The following TENM3 variants were observed in gnomAD, a reference collection of about 807,000 sequenced individuals.
TENM3 encodes teneurin-3.
TENM3 carries 63 observed loss-of-function variants against 255.1 expected under a neutral mutation model. That is an observed-to-expected ratio of 0.25 (90% CI 0.20 to 0.30). The LOEUF (loss-of-function observed/expected upper bound fraction) is 0.30, where lower values mean the gene tolerates loss of function less well. Ranked by LOEUF, TENM3 falls within the 10% of genes least tolerant of loss-of-function variation. TENM3 has a pLI of 1.00. For synonymous variants in TENM3, 1,306 were observed against 1,322.3 expected (o/e 0.99, Z 0.27); for missense variants, 2,929 against 3,461.1 (o/e 0.85, Z 3.86).
chr4:182,038,060 C>T, the TENM3 span, among the ~76,000 whole-genome samples: 1 of 152,088 alleles, frequency 6.6e-6, no homozygotes. Context: ...CTTTTTTCTA[C>T]TTCGCGTGAT....
Position 182,793,664 on chromosome 4 carries a change from A to G in TENM3, c.6992A>G (p.Asp2331Gly). 1 of 1,613,990 alleles carries G rather than the reference A, an allele frequency of 6.2e-7. No individual in the cohort carries two copies. Among genetic ancestry groups the G allele is most frequent in the Non-Finnish European group, 8.5e-7 (1 of 1,179,844 alleles). ...YGEIYFDSNI[D>G]FQLVIGFHGG... The stretch of plus-strand genomic sequence containing the variant: ...GAAATCTATTTTGACTCTAATATTG[A>G]CTTTCAACTGGTAATTGGATTTCAT... The change falls in exon 26 of 28, where the codon GAC becomes GGC. Residue 2331 changes from aspartate (D) to glycine (G), a missense_variant. Physicochemically the swap from Asp to Gly is moderately conservative, Grantham distance 94. Transcript: ENST00000511685. The surrounding 1 kb of genome is among the most constrained non-coding windows in gnomAD (Gnocchi z 5.7).
chr4:182,220,159 C>T (rs558741131), intron 1 of TENM3, among the ~76,000 whole-genome samples: 2 of 152,084 alleles, frequency 1.3e-5, no homozygotes, highest in South Asian at 2.1e-4. Flanking sequence ...GGCGGATCAC[C>T]TGAGGTCAGG....
At chr4:182,707,474 A>G (rs939071564) in intron 12 of TENM3, among the ~76,000 whole-genome samples, 3 of 152,190 alleles carry the variant, frequency 2.0e-5, no homozygotes, top group African/African-American at 7.2e-5. Flanking sequence ...TCCTCCACCT[A>G]TCTTTCCCAA....
At chr4:181,622,212 A>G in the TENM3 span, among the ~76,000 whole-genome samples, 327 of 152,268 alleles carry the variant, frequency 2.1e-3, 4 homozygotes, top group African/African-American at 7.5e-3. Context: ...GTGGTCAGCT[A>G]GGTCATGCAT....
At chr4:182,156,919 T>C (rs1276719556) in intron 1 of TENM3, among the ~76,000 whole-genome samples, 1 of 152,188 alleles carries the variant, frequency 6.6e-6, no homozygotes, top group Non-Finnish European at 1.5e-5. Context: ...TTTTCGTTTC[T>C]AGTTGAGGCA....
the TENM3 span, among the ~76,000 whole-genome samples, chr4:181,447,986 G>T: frequency 6.6e-6 from 1 of 151,828 alleles, no homozygotes; most frequent in Non-Finnish European, 1.5e-5. Flanking sequence ...CTTTGTGCGT[G>T]TAAGTGTGCA....
At chr4:182,475,817 A>G (rs1040841257) in intron 3 of TENM3, among the ~76,000 whole-genome samples, 2 of 151,996 alleles carry the variant, frequency 1.3e-5, no homozygotes, top group African/African-American at 4.8e-5. Context: ...AGATGTGTCC[A>G]TCTTCGTCTT....
At chr4:182,538,134 G>A (rs1043775806) in intron 3 of TENM3, among the ~76,000 whole-genome samples, 3 of 152,002 alleles carry the variant, frequency 2.0e-5, no homozygotes, top group African/African-American at 7.3e-5. Flanking sequence ...TCACGTTTTG[G>A]GCAAGTATTC....
At chr4:182,580,126 T>A (rs935374641) in intron 3 of TENM3, among the ~76,000 whole-genome samples, 5 of 151,874 alleles carry the variant, frequency 3.3e-5, no homozygotes, top group African/African-American at 9.7e-5. Context: ...AAAAAGAGAT[T>A]GAGATTCACT....
the TENM3 span, among the ~76,000 whole-genome samples, chr4:181,607,426 T>TG: frequency 6.6e-6 from 1 of 151,446 alleles, no homozygotes; most frequent in African/African-American, 2.4e-5. Context: ...TTTTTTTTTT[T>TG]TCTTTTTGAG....
At chr4:182,201,172 A>T (rs757649765) in intron 1 of TENM3, among the ~76,000 whole-genome samples, 29 of 152,236 alleles carry the variant, frequency 1.9e-4, no homozygotes, top group African/African-American at 6.3e-4. Context: ...ACTTTAAATA[A>T]CCAGATAGTA....
intron 3 of TENM3, among the ~76,000 whole-genome samples, chr4:182,529,458 CT>C (rs1560879359): frequency 6.6e-6 from 1 of 152,148 alleles, no homozygotes; most frequent in African/African-American, 2.4e-5. Context: ...CCTTTTCTCT[CT>C]GCTTTGCCCC....
intron 12 of TENM3, among the ~76,000 whole-genome samples, chr4:182,692,693 G>GCATATT (rs1240213887): frequency 6.6e-6 from 1 of 152,166 alleles, no homozygotes; most frequent in Non-Finnish European, 1.5e-5. Context: ...GAGTCAGAAA[G>GCATATT]CATATTTAAA....
intron 1 of TENM3, among the ~76,000 whole-genome samples, chr4:182,271,431 C>A (rs548400565): frequency 5.9e-5 from 9 of 152,256 alleles, no homozygotes; most frequent in African/African-American, 2.2e-4. Flanking sequence ...CCTTCCCGTC[C>A]TTCCACCATG....
At chr4:181,987,850 G>A in the TENM3 span, among the ~76,000 whole-genome samples, 1 of 151,984 alleles carries the variant, frequency 6.6e-6, no homozygotes, top group African/African-American at 2.4e-5. Flanking sequence ...GCAGAAGGAG[G>A]ACATTGAGCT....
the TENM3 span, among the ~76,000 whole-genome samples, chr4:181,748,051 G>C: frequency 6.6e-6 from 1 of 152,068 alleles, no homozygotes; most frequent in Admixed American, 6.6e-5. Flanking sequence ...TAGAGGACAG[G>C]AGTAAGTGCT....
chr4:182,760,553 T>G (rs927045169), intron 22 of TENM3, among the ~76,000 whole-genome samples: 2 of 148,040 alleles, frequency 1.4e-5, no homozygotes, highest in African/African-American at 4.9e-5. Flanking sequence ...CGACATTTTT[T>G]TAAATCTTGG....
intron 3 of TENM3, among the ~76,000 whole-genome samples, chr4:182,483,655 G>A (rs759320873): frequency 3.9e-5 from 6 of 152,016 alleles, no homozygotes; most frequent in Non-Finnish European, 8.8e-5. Context: ...GTATTAGTCT[G>A]TTCTCACATT....
chr4:182,228,171 A>C (rs1756307980), intron 1 of TENM3, among the ~76,000 whole-genome samples: 1 of 151,846 alleles, frequency 6.6e-6, no homozygotes, highest in South Asian at 2.1e-4. Flanking sequence ...CAATCCGAGG[A>C]CCACAGTTAA....
Sources: allele counts gnomAD v4.1 joint callset (sites outside exome capture counted in the v4.1 genomes callset), GRCh38; gene constraint gnomAD v4.1.1; non-coding constraint Gnocchi (gnomAD v3.1); transcripts MANE v1.5; gene names NCBI Gene and HGNC (gene_info 2026-07-23, HGNC 2026-07-21).